GABBR2: variants seen among roughly 807,000 people sequenced by gnomAD.
The protein encoded by GABBR2 is G-protein coupled receptor 51.
GABBR2 carries 23 observed loss-of-function variants against 105.6 expected under a neutral mutation model. That is an observed-to-expected ratio of 0.22 (90% CI 0.16 to 0.31). The LOEUF (loss-of-function observed/expected upper bound fraction) is 0.31. Among genes scored for constraint, GABBR2 ranks in the 10% least tolerant of loss-of-function variants. GABBR2 has a pLI of 1.00. For synonymous variants in GABBR2, 478 were observed against 499.7 expected, an observed-to-expected ratio of 0.96 and a Z score of 0.58; for missense variants, 734 against 1,245.5, an observed-to-expected ratio of 0.59 and a Z score of 6.18.
chr9:98,462,550 T>C (rs946879329), intron 6 of GABBR2, among the ~76,000 whole-genome samples: 3 of 152,210 alleles, frequency 2.0e-5, no homozygotes, highest in Non-Finnish European at 4.4e-5. Flanking sequence ...TATGAAAACA[T>C]GTCCAACTTC....
chr9:98,374,991 A>G (rs1401032675), intron 11 of GABBR2, among the ~76,000 whole-genome samples: 1 of 152,038 alleles, frequency 6.6e-6, no homozygotes, highest in Non-Finnish European at 1.5e-5. Context: ...ATTCCTGCAT[A>G]CAATCACCAG....
At chr9:98,477,195 A>T (rs936793277) in intron 5 of GABBR2, among the ~76,000 whole-genome samples, 1 of 152,184 alleles carries the variant, frequency 6.6e-6, no homozygotes, top group Non-Finnish European at 1.5e-5. Context: ...ACGGTTGTGG[A>T]CCGACCGAAT....
At chr9:98,540,898 A>G (rs1322414615) in intron 3 of GABBR2, among the ~76,000 whole-genome samples, 4 of 152,244 alleles carry the variant, frequency 2.6e-5, no homozygotes, top group African/African-American at 9.6e-5. Flanking sequence ...ACTGTTAGTA[A>G]GGATATGTGA....
At chr9:98,298,728 G>A (rs1304176782) in intron 17 of GABBR2, among the ~76,000 whole-genome samples, 4 of 152,142 alleles carry the variant, frequency 2.6e-5, no homozygotes, top group Admixed American at 6.5e-5. Context: ...AAAATGCTGG[G>A]ATTACAGGCA....
intron 1 of GABBR2, among the ~76,000 whole-genome samples, chr9:98,668,109 G>T (rs901358463): frequency 2.0e-5 from 3 of 152,228 alleles, no homozygotes; most frequent in Non-Finnish European, 2.9e-5. Context: ...AAACCACAGT[G>T]GTGGTCCATC....
At chr9:98,572,285 A>G (rs1828843469) in intron 2 of GABBR2, among the ~76,000 whole-genome samples, 1 of 152,250 alleles carries the variant, frequency 6.6e-6, no homozygotes, top group Non-Finnish European at 1.5e-5. Flanking sequence ...GCAAAAGGCA[A>G]AAGTTAAATT....
At chr9:98,578,727 G>A (rs1261907630) in intron 1 of GABBR2, among the ~76,000 whole-genome samples, 4 of 152,188 alleles carry the variant, frequency 2.6e-5, no homozygotes, top group African/African-American at 9.7e-5. Flanking sequence ...ATCAACAGGT[G>A]AATGGATAAT....
At chr9:98,401,122 G>A (rs892971806) in intron 8 of GABBR2, among the ~76,000 whole-genome samples, 7 of 152,144 alleles carry the variant, frequency 4.6e-5, no homozygotes, top group Admixed American at 3.3e-4. Flanking sequence ...GCCAGTCCCC[G>A]AGACAGGAAC....
intron 7 of GABBR2, among the ~76,000 whole-genome samples, chr9:98,436,469 G>A (rs970706114): frequency 8.3e-5 from 11 of 132,376 alleles, no homozygotes; most frequent in Admixed American, 1.7e-4. Context: ...TTTACAGTTC[G>A]TTGTGCACCT....
At chr9:98,443,522 C>T (rs1298283659) in intron 7 of GABBR2, among the ~76,000 whole-genome samples, 8 of 152,176 alleles carry the variant, frequency 5.3e-5, no homozygotes, top group Non-Finnish European at 8.8e-5. Flanking sequence ...AGCCAAGCAA[C>T]GCCTAACAGC....
intron 1 of GABBR2, among the ~76,000 whole-genome samples, chr9:98,647,066 A>T (rs141610294): frequency 1.1e-3 from 175 of 152,330 alleles, no homozygotes; most frequent in African/African-American, 4.0e-3. Context: ...ATATAAGAAA[A>T]AATAAATACC....
At chr9:98,519,976 C>A (rs893218178) in intron 3 of GABBR2, among the ~76,000 whole-genome samples, 1 of 152,126 alleles carries the variant, frequency 6.6e-6, no homozygotes, top group Admixed American at 6.5e-5. Context: ...GGGAGAGAGG[C>A]AAAAGCATGA....
chr9:98,360,253 T>C (rs879174713), intron 13 of GABBR2, among the ~76,000 whole-genome samples: 26 of 152,182 alleles, frequency 1.7e-4, no homozygotes, highest in Admixed American at 1.5e-3. Context: ...TCAACTACCC[T>C]GTTGTGTCTG....
intron 4 of GABBR2, among the ~76,000 whole-genome samples, chr9:98,489,030 T>C (rs1298855529): frequency 6.6e-6 from 1 of 152,212 alleles, no homozygotes; most frequent in Non-Finnish European, 1.5e-5. Context: ...ATTTTTGGTC[T>C]CATAGGCCAT....
chr9:98,560,716 CCT>C (rs973528529), intron 2 of GABBR2, among the ~76,000 whole-genome samples: 1 of 148,782 alleles, frequency 6.7e-6, no homozygotes, highest in East Asian at 1.9e-4. Flanking sequence ...CATCTGCTTT[CCT>C]CTCTCTCTTT....
intron 3 of GABBR2, among the ~76,000 whole-genome samples, chr9:98,498,663 G>C (rs937217351): frequency 6.6e-6 from 1 of 152,226 alleles, no homozygotes; most frequent in Non-Finnish European, 1.5e-5. Context: ...AATGCCTTGT[G>C]ATCAATGTTT....
intron 1 of GABBR2, among the ~76,000 whole-genome samples, chr9:98,629,740 C>T (rs1009216669): frequency 1.1e-4 from 17 of 152,162 alleles, no homozygotes; most frequent in African/African-American, 4.1e-4. Flanking sequence ...CCAATGAGAA[C>T]ATACAACTCC....
chr9:98,644,656 A>G (rs961860483), intron 1 of GABBR2, among the ~76,000 whole-genome samples: 6 of 152,152 alleles, frequency 3.9e-5, no homozygotes, highest in Non-Finnish European at 5.9e-5. Context: ...AGCTTGGCCA[A>G]CATAGCGAAA....
At chr9:98,566,303 A>G (rs1028448707) in intron 2 of GABBR2, among the ~76,000 whole-genome samples, 1 of 152,120 alleles carries the variant, frequency 6.6e-6, no homozygotes, top group Non-Finnish European at 1.5e-5. Context: ...CCACTGCCAT[A>G]AAAAAAGCCC....
Sources: gnomAD v4.1 joint callset for allele counts (sites outside exome capture counted in the v4.1 genomes callset) on GRCh38, gnomAD v4.1.1 for gene constraint, MANE v1.5 for transcripts, NCBI Gene and HGNC (gene_info 2026-07-23, HGNC 2026-07-21) for gene names.